AKAP6: variants seen among roughly 807,000 people sequenced by gnomAD.
AKAP6 encodes A-kinase anchoring protein 6, also known as A-kinase anchor protein 6.
Under a neutral mutation model 188.5 loss-of-function variants are expected in AKAP6, and 58 were observed. That is an observed-to-expected ratio of 0.31 (90% CI 0.25 to 0.38). AKAP6 has a LOEUF of 0.38. Ranked by LOEUF, AKAP6 falls within the 10% of genes least tolerant of loss-of-function variation. The pLI is 1.00. For synonymous variants in AKAP6, 989 were observed against 998.6 expected (o/e 0.99, Z 0.18); for missense variants, 2,710 against 2,740.0 (o/e 0.99, Z 0.24).
intron 4 of AKAP6, among the ~76,000 whole-genome samples, chr14:32,555,632 T>G (rs1418104593): frequency 6.6e-6 from 1 of 152,160 alleles, no homozygotes; most frequent in African/African-American, 2.4e-5. Flanking sequence ...GTAACCAACA[T>G]TCTACTTTCT....
intron 12 of AKAP6, among the ~76,000 whole-genome samples, chr14:32,791,356 C>A (rs1412344963): frequency 6.6e-6 from 1 of 152,162 alleles, no homozygotes; most frequent in East Asian, 1.9e-4. Flanking sequence ...ATTTGCATTT[C>A]TCTAATGGCC....
At chr14:32,485,597 T>A (rs2383333) in intron 2 of AKAP6, among the ~76,000 whole-genome samples, 97,737 of 152,060 alleles carry the variant, frequency 0.64, 33,123 homozygotes, top group East Asian at 0.86. Flanking sequence ...GTGTGTTGGC[T>A]GCATAAATGT....
chr14:32,654,196 G>A (rs568715771), intron 7 of AKAP6, among the ~76,000 whole-genome samples: 27 of 152,008 alleles, frequency 1.8e-4, no homozygotes, highest in Non-Finnish European at 2.5e-4. Flanking sequence ...TTTAATATTG[G>A]TGTGTTGTTT....
intron 2 of AKAP6, among the ~76,000 whole-genome samples, chr14:32,506,464 G>T (rs1464646889): frequency 6.6e-6 from 1 of 152,126 alleles, no homozygotes; most frequent in Admixed American, 6.6e-5. Context: ...AGATGTGGTA[G>T]GGACTGGTCA....
At chr14:32,557,210 C>T (rs532073126) in intron 4 of AKAP6, among the ~76,000 whole-genome samples, 3 of 152,108 alleles carry the variant, frequency 2.0e-5, no homozygotes, top group African/African-American at 7.2e-5. Flanking sequence ...CCTCAGCCTA[C>T]CCAGTAGCTG....
chr14:32,826,970 C>T (rs542621743), intron 13 of AKAP6, among the ~76,000 whole-genome samples: 1 of 152,200 alleles, frequency 6.6e-6, no homozygotes, highest in Non-Finnish European at 1.5e-5. Flanking sequence ...TTTAAATAGC[C>T]ATATTTACTG....
chr14:32,481,589 T>A (rs1032685955), intron 2 of AKAP6, among the ~76,000 whole-genome samples: 2 of 152,140 alleles, frequency 1.3e-5, no homozygotes, highest in Admixed American at 1.3e-4. Flanking sequence ...TCAGATCTTA[T>A]GAGACTTATT....
chr14:32,432,767 A>G (rs1278208332), intron 1 of AKAP6, among the ~76,000 whole-genome samples: 1 of 152,220 alleles, frequency 6.6e-6, no homozygotes, highest in Non-Finnish European at 1.5e-5. Flanking sequence ...GAATATTTCT[A>G]GTAGAAAAGC....
At chr14:32,752,769 G>C (rs1347070618) in intron 11 of AKAP6, among the ~76,000 whole-genome samples, 2 of 152,108 alleles carry the variant, frequency 1.3e-5, no homozygotes, top group East Asian at 3.9e-4. Context: ...ATATAAATGA[G>C]ATCACGCAGT....
chr14:32,493,412 T>C (rs1218261913), intron 2 of AKAP6, among the ~76,000 whole-genome samples: 1 of 152,080 alleles, frequency 6.6e-6, no homozygotes, highest in Non-Finnish European at 1.5e-5. Context: ...GGTTTCACTA[T>C]ATTGCTTAGG....
chr14:32,485,563 G>A (rs904413058), intron 2 of AKAP6, among the ~76,000 whole-genome samples: 4 of 152,228 alleles, frequency 2.6e-5, no homozygotes, highest in Non-Finnish European at 4.4e-5. Flanking sequence ...CTAATGACCA[G>A]TGATGATGAG....
chr14:32,643,191 G>A (rs17417533), intron 7 of AKAP6, among the ~76,000 whole-genome samples: 2,257 of 152,268 alleles, frequency 0.015, 34 homozygotes, highest in Middle Eastern at 0.031. Flanking sequence ...TAGAAAGCAG[G>A]AATCAATGGT....
chr14:32,763,586 T>C (rs1030552071), intron 11 of AKAP6, among the ~76,000 whole-genome samples: 6 of 152,152 alleles, frequency 3.9e-5, no homozygotes, highest in South Asian at 2.1e-4. Context: ...TGGTGACCAA[T>C]TTAATAGAGG....
intron 1 of AKAP6, among the ~76,000 whole-genome samples, chr14:32,343,746 C>CA (rs56376110): frequency 0.13 from 4,866 of 37,022 alleles, 708 homozygotes; most frequent in African/African-American, 0.16. Context: ...GATTCCGTCT[C>CA]AAAAAAAAAA....
intron 11 of AKAP6, among the ~76,000 whole-genome samples, chr14:32,743,214 A>G (rs1219999329): frequency 1.3e-5 from 2 of 152,148 alleles, no homozygotes; most frequent in East Asian, 1.9e-4. Context: ...TTCCACTGGC[A>G]TGGAATCTTT....
chr14:32,673,646 A>G (rs1014411214), intron 7 of AKAP6, among the ~76,000 whole-genome samples: 1 of 152,170 alleles, frequency 6.6e-6, no homozygotes, highest in African/African-American at 2.4e-5. Context: ...GAGGTAGGAG[A>G]TTCGCTTGAA....
intron 8 of AKAP6, among the ~76,000 whole-genome samples, chr14:32,691,111 A>G (rs994556645): frequency 1.3e-5 from 2 of 152,168 alleles, no homozygotes; most frequent in African/African-American, 4.8e-5. Context: ...AGTCCCTCCA[A>G]AAGGGACTCA....
At chr14:32,626,887 G>A (rs1887048716) in intron 7 of AKAP6, among the ~76,000 whole-genome samples, 1 of 152,064 alleles carries the variant, frequency 6.6e-6, no homozygotes, top group South Asian at 2.1e-4. Context: ...TCTTACCAGT[G>A]CCTCACACAA....
chr14:32,373,705 T>G (rs1349004951), intron 1 of AKAP6, among the ~76,000 whole-genome samples: 1 of 152,186 alleles, frequency 6.6e-6, no homozygotes, highest in Non-Finnish European at 1.5e-5. Context: ...TGCCCAGGAA[T>G]CAACAAGGAC....
Sources: allele counts gnomAD v4.1 joint callset (sites outside exome capture counted in the v4.1 genomes callset), GRCh38; gene constraint gnomAD v4.1.1; transcripts MANE v1.5; gene names NCBI Gene and HGNC (gene_info 2026-07-23, HGNC 2026-07-21).